Variants in SCD5 observed in about 807,000 individuals in gnomAD.
SCD5 encodes the protein stearoyl-CoA desaturase 5.
In SCD5, 20 loss-of-function variants were observed where a neutral mutation model predicts 30.4. The ratio of observed to expected loss-of-function variants is 0.66; its 90% CI spans 0.46 to 0.96. The LOEUF is 0.96. Ranked by LOEUF, SCD5 falls within the 40% of genes least tolerant of loss-of-function variation. SCD5 has a pLI of 0.00. For synonymous variants in SCD5, 173 were observed against 176.4 expected, an observed-to-expected ratio of 0.98 and a Z score of 0.16; for missense variants, 381 against 443.3, an observed-to-expected ratio of 0.86 and a Z score of 1.26.
At chr4:82,701,252 A>G (rs1578028174) in intron 2 of SCD5, among the ~76,000 whole-genome samples, 1 of 152,206 alleles carries the variant, frequency 6.6e-6, no homozygotes. Context: ...AGTATAATTC[A>G]TATGTTAAGA....
intron 1 of SCD5, among the ~76,000 whole-genome samples, chr4:82,792,400 CTT>C (rs1722116627): frequency 6.6e-6 from 1 of 152,034 alleles, no homozygotes; most frequent in Admixed American, 6.6e-5. Context: ...AGTGTCTACT[CTT>C]TAGCAAGTCC....
intron 1 of SCD5, among the ~76,000 whole-genome samples, chr4:82,789,476 C>G (rs764735328): frequency 6.6e-6 from 1 of 152,140 alleles, no homozygotes; most frequent in Non-Finnish European, 1.5e-5. Context: ...TCCGTGGGGT[C>G]GGTGAGGTCT....
Position 82,636,609 on chromosome 4 carries a change from C to A in SCD5, c.784G>T (p.Val262Phe), listed in dbSNP as rs755864702. The A allele has an allele frequency of 6.2e-7, 1 of 1,613,942 alleles. No individual in the cohort carries two copies. Among genetic ancestry groups the A allele is most frequent in the South Asian group, 1.1e-5 (1 of 91,020 alleles). ...KHISPRQNPL[V>F]ALGAIGEGFH... ...TACTCACCAATGGCACCCAGAGCGA[C>A]GAGTGGGTTCTGCCGAGGGCTGATG... The change falls in exon 4 of 5, where the codon GTC (valine) becomes TTC (phenylalanine). Residue 262 changes from valine to phenylalanine, a missense_variant. Transcript: ENST00000319540.
chr4:82,720,018 T>G (rs1720332784), intron 1 of SCD5, among the ~76,000 whole-genome samples: 1 of 149,982 alleles, frequency 6.7e-6, no homozygotes, highest in African/African-American at 2.5e-5. Context: ...GCCAGGCTGG[T>G]AGTTGTAAAA....
Position 82,736,410 on chromosome 4 carries a change from A to C in SCD5, c.233-30997T>G, listed in dbSNP as rs559713321. Among the ~76,000 whole-genome samples, 252 of 152,046 alleles carry C rather than the reference A, an allele frequency of 1.7e-3. 1 individual carries two copies. The highest frequency in any genetic ancestry group is 5.8e-3 in the African/African-American group (239 of 41,482). Reference sequence around the variant, plus strand: ...GATCAGCCGAGGTCAGGAGTTCGAGACCAGCCTGGCCAACATGGTGAAACC... The same window carrying C: ...GATCAGCCGAGGTCAGGAGTTCGAGCCCAGCCTGGCCAACATGGTGAAACC... On this transcript the variant is annotated intron_variant, in intron 1 of 4. Coordinates refer to ENST00000319540, the MANE Select transcript of SCD5 (RefSeq NM_001037582.3).
intron 3 of SCD5, among the ~76,000 whole-genome samples, chr4:82,637,647 A>G (rs1727461062): frequency 6.6e-6 from 1 of 152,230 alleles, no homozygotes; most frequent in East Asian, 1.9e-4. Flanking sequence ...CAGGAACATC[A>G]AAGTAACTGA....
intron 1 of SCD5, among the ~76,000 whole-genome samples, chr4:82,777,280 T>C (rs1482450878): frequency 2.6e-5 from 4 of 152,200 alleles, no homozygotes. Context: ...AAGTTTCCCC[T>C]CCTCGGCCTA....
intron 1 of SCD5, among the ~76,000 whole-genome samples, chr4:82,777,794 G>GTTTAAAA (rs1721775161): frequency 6.6e-6 from 1 of 152,026 alleles, no homozygotes; most frequent in African/African-American, 2.4e-5. Context: ...TGTTTTCTCG[G>GTTTAAAA]CCAGTGTTTA....
intron 3 of SCD5, among the ~76,000 whole-genome samples, chr4:82,665,921 G>A (rs1195947015): frequency 6.6e-6 from 1 of 152,082 alleles, no homozygotes; most frequent in Non-Finnish European, 1.5e-5. Context: ...TTTTTTCTAA[G>A]TGGAAGGATT....
chr4:82,742,237 G>C (rs1027943209), intron 1 of SCD5, among the ~76,000 whole-genome samples: 4 of 152,180 alleles, frequency 2.6e-5, no homozygotes, highest in Non-Finnish European at 4.4e-5. Context: ...GTGACACCCA[G>C]AGTGGGCCAT....
Position 82,749,316 on chromosome 4 carries a change from C to G in SCD5, c.233-43903G>C, listed in dbSNP as rs78468543. Among the ~76,000 whole-genome samples the G allele has an allele frequency of 2.8e-4, 43 of 152,318 alleles. No homozygotes were observed. In the East Asian group the frequency reaches 8.3e-3, roughly 29 times the overall value. Reference sequence around the variant, plus strand: ...GCCTGTTGCAACACCAAATCCCAGTCCGGGGTGATAAGGAATAGTCTCTCA... The same window carrying G: ...GCCTGTTGCAACACCAAATCCCAGTGCGGGGTGATAAGGAATAGTCTCTCA... On this transcript the variant is annotated intron_variant, in intron 1 of 4. Coordinates refer to ENST00000319540, the MANE Select transcript of SCD5 (RefSeq NM_001037582.3).
chr4:82,702,825 T>C (rs6852540), intron 2 of SCD5, among the ~76,000 whole-genome samples: 80,708 of 152,092 alleles, frequency 0.53, 23,478 homozygotes, highest in African/African-American at 0.79. Flanking sequence ...CATTTTTTCA[T>C]TTCCCCAGGT....
At chr4:82,671,713 A>T (rs111937433) in intron 3 of SCD5, among the ~76,000 whole-genome samples, 4 of 152,150 alleles carry the variant, frequency 2.6e-5, no homozygotes, top group Non-Finnish European at 4.4e-5. Context: ...CCCTGTCTCT[A>T]CTAAAAACAC....
At chr4:82,659,451 T>C (rs563506237) in intron 3 of SCD5, among the ~76,000 whole-genome samples, 3 of 152,342 alleles carry the variant, frequency 2.0e-5, no homozygotes, top group Admixed American at 6.5e-5. Flanking sequence ...CTTTCCTGCT[T>C]TCTCCTGTGG....
chr4:82,653,043 C>T (rs1727789090), intron 3 of SCD5, among the ~76,000 whole-genome samples: 1 of 151,936 alleles, frequency 6.6e-6, no homozygotes, highest in South Asian at 2.1e-4. Context: ...GTCCTGGCTA[C>T]TTGGGGGGAC....
chr4:82,642,059 C>T (rs1023410191), intron 3 of SCD5, among the ~76,000 whole-genome samples: 13 of 151,884 alleles, frequency 8.6e-5, no homozygotes, highest in African/African-American at 2.7e-4. Context: ...GAGATGGGGA[C>T]GGGAGTAGAA....
rs111393080 is a variant in SCD5 at position 82,782,741 on chromosome 4, G to C, written c.232+15565C>G. 2.2e-3 allele frequency among the ~76,000 whole-genome samples: 340 copies of C among 152,008 alleles called. 5 individuals carry two copies. Among genetic ancestry groups the C allele is most frequent in the African/African-American group, 8.0e-3 (333 of 41,422 alleles). On this transcript the variant is annotated intron_variant, in intron 1 of 4. Transcript: ENST00000319540. ...TCCTGTGAAACTCCCATTCCCTCAA[G>C]GTGTCAGCCCTGTGTTAGAAGAAAA...
Position 82,798,596 on chromosome 4 carries a change from G to T in SCD5, c.-59C>A. 1 of 1,435,552 alleles carries T rather than the reference G, an allele frequency of 7.0e-7. No homozygotes were observed. The highest frequency in any genetic ancestry group is 1.4e-5 in the South Asian group (1 of 72,378). 88.9% of individuals were successfully genotyped at this position (1,435,552 alleles called of 1,614,324 possible). A position where few individuals can be genotyped will look rare whatever the true frequency, so the allele number is the denominator to read the frequency against. ...GGCAGGCAGGCGCTCTGCCCGAGCGGAGCTCGAGGGTGGGGGCGGGGGCTT... is the reference window on the plus strand; with the variant it reads ...GGCAGGCAGGCGCTCTGCCCGAGCGTAGCTCGAGGGTGGGGGCGGGGGCTT... On this transcript the variant is annotated 5_prime_UTR_variant, in exon 1 of 5. Transcript: ENST00000319540.
intron 3 of SCD5, among the ~76,000 whole-genome samples, chr4:82,648,116 C>T (rs1010188727): frequency 6.6e-6 from 1 of 152,212 alleles, no homozygotes; most frequent in African/African-American, 2.4e-5. Flanking sequence ...TGTTACTGCA[C>T]TGGCCACTAT....
Sources: gnomAD v4.1 joint callset for allele counts (sites outside exome capture counted in the v4.1 genomes callset) on GRCh38, gnomAD v4.1.1 for gene constraint, MANE v1.5 for transcripts, NCBI Gene and HGNC (gene_info 2026-07-23, HGNC 2026-07-21) for gene names.